SASH1: variants seen among roughly 807,000 people sequenced by gnomAD.
SASH1 encodes the protein SAM and SH3 domain-containing protein 1.
SASH1 carries 44 observed loss-of-function variants against 125.2 expected under a neutral mutation model. The ratio of observed to expected loss-of-function variants is 0.35; its 90% CI spans 0.28 to 0.45. The LOEUF is 0.45. SASH1 is among the 20% of genes least tolerant of loss of function. The pLI, the probability that SASH1 is intolerant of heterozygous loss-of-function variation, is 1.00. For synonymous variants in SASH1, 639 were observed against 649.1 expected (o/e 0.98, Z 0.24); for missense variants, 1,426 against 1,614.5 (o/e 0.88, Z 2.00).
intron 5 of SASH1, among the ~76,000 whole-genome samples, chr6:148,470,576 T>G (rs1180305050): frequency 6.6e-6 from 1 of 152,240 alleles, no homozygotes; most frequent in African/African-American, 2.4e-5. Flanking sequence ...CGCTTTGCTT[T>G]TAAAAAGGTA....
At chr6:148,547,142 A>T (rs1358794370) in intron 19 of SASH1, among the ~76,000 whole-genome samples, 1 of 152,134 alleles carries the variant, frequency 6.6e-6, no homozygotes, top group Non-Finnish European at 1.5e-5. Context: ...TAAAGGAAGC[A>T]CTTAAGGGCT....
At chr6:148,264,710 A>C in the SASH1 span, among the ~76,000 whole-genome samples, 51 of 152,204 alleles carry the variant, frequency 3.4e-4, no homozygotes, top group African/African-American at 1.2e-3. Context: ...TTTGCCAGTT[A>C]TGTTTCTCTT....
chr6:148,543,717 A>G lies in SASH1; in HGVS notation c.2247A>G (p.Ser749=), dbSNP rs1295599971. 1.3e-6 allele frequency: 2 copies of G among 1,567,890 alleles called. No individual in the cohort carries two copies. The highest frequency in any genetic ancestry group is 2.7e-5 in the African/African-American group (2 of 73,476). The change falls in exon 18 of 20, where the codon TCA becomes TCG. Residue 749 remains serine, a synonymous_variant. Coordinates refer to ENST00000367467, the MANE Select transcript of SASH1 (RefSeq NM_015278.5). The part of the protein sequence containing the change: ...TRKASLLSAK[S]STEPSLKSFS... Reference sequence around the variant, plus strand: ...AAGCTAGCCTCCTATCTGCCAAGTCATCCACCGAGCCCAGCTTGAAGTCTT... The same window carrying G: ...AAGCTAGCCTCCTATCTGCCAAGTCGTCCACCGAGCCCAGCTTGAAGTCTT...
intron 2 of SASH1, among the ~76,000 whole-genome samples, chr6:148,393,307 G>A (rs1783810665): frequency 2.0e-5 from 3 of 150,298 alleles, no homozygotes; most frequent in South Asian, 2.1e-4. Flanking sequence ...TGATCTGCCC[G>A]CCTTGGCCTC....
chr6:148,343,096 GGCCGGAGCCTGAGCCCGAGCCCGA>G lies in SASH1; in HGVS notation c.39_62del (p.Glu16_Pro23del), dbSNP rs758905518. 9.8e-6 allele frequency: 15 copies of G among 1,523,330 alleles called. No individual in the cohort carries two copies. The highest frequency in any genetic ancestry group is 7.3e-5 in the East Asian group (3 of 41,246). The allele number at this position is 1,523,330 out of a possible 1,614,324, so 94.4% of individuals were successfully genotyped here. On this transcript the variant is annotated inframe_deletion, in exon 1 of 20. Transcript: ENST00000367467. ...GAGGACGCGGGAGCAGCTGGCCCGG[GGCCGGAGCCTGAGCCCGAGCCCGA>G]GCCGGAGCCCGAGCCCGCGCCGGAG... is the stretch of plus-strand genomic sequence containing the variant.
At chr6:148,492,058 C>T (rs748967244) in intron 8 of SASH1, among the ~76,000 whole-genome samples, 36 of 152,258 alleles carry the variant, frequency 2.4e-4, no homozygotes, top group African/African-American at 8.2e-4. Flanking sequence ...TTGTCCATAC[C>T]GGGTCCCTTA....
At chr6:148,304,782 C>A (rs1428047998) in intron 1 of SASH1, among the ~76,000 whole-genome samples, 1 of 152,194 alleles carries the variant, frequency 6.6e-6, no homozygotes, top group African/African-American at 2.4e-5. Flanking sequence ...AATCCCAACA[C>A]TTTGGGAGGC....
At chr6:148,507,659 G>A (rs943810242) in intron 8 of SASH1, among the ~76,000 whole-genome samples, 15 of 152,128 alleles carry the variant, frequency 9.9e-5, no homozygotes, top group South Asian at 2.1e-4. Flanking sequence ...GTGCCTGGCC[G>A]TTTTTAGTTT....
At chr6:148,238,917 A>G in the SASH1 span, among the ~76,000 whole-genome samples, 3 of 152,198 alleles carry the variant, frequency 2.0e-5, no homozygotes, top group Non-Finnish European at 2.9e-5. Flanking sequence ...ATACGCTGTC[A>G]TTCAATGACC....
chr6:148,254,245 T>G, the SASH1 span, among the ~76,000 whole-genome samples: 1 of 151,886 alleles, frequency 6.6e-6, no homozygotes, highest in Non-Finnish European at 1.5e-5. Context: ...ATATAACGCA[T>G]TAGATGCAAC....
rs57183555 is a variant in SASH1 at position 148,356,494 on chromosome 6, C to CTTTTT, written c.156+13287_156+13291dup. Among the ~76,000 whole-genome samples, 675 of 116,104 alleles carry CTTTTT rather than the reference C, an allele frequency of 5.8e-3. 19 individuals are homozygous for CTTTTT. The highest frequency in any genetic ancestry group is 9.5e-3 in the Non-Finnish European group (557 of 58,356). The allele number at this position is 116,104 out of a possible 152,430, so 76.2% of individuals were successfully genotyped here. ...TCAAATGGTAGATCTACTTTTAGTT[C>CTTTTT]TTTTTTTTTTTTTTTTTTTTGAGAC... On this transcript the variant is annotated intron_variant, in intron 1 of 19. Transcript: ENST00000367467.
intron 16 of SASH1, among the ~76,000 whole-genome samples, chr6:148,539,081 G>A (rs1056874750): frequency 8.0e-5 from 12 of 150,054 alleles, no homozygotes; most frequent in South Asian, 6.3e-4. Context: ...CAACAGAAGC[G>A]TCCGATGCTG....
chr6:148,376,277 C>T (rs1782888254), intron 1 of SASH1, among the ~76,000 whole-genome samples: 3 of 152,020 alleles, frequency 2.0e-5, no homozygotes, highest in Admixed American at 2.0e-4. Context: ...CCATGTTGGC[C>T]AGGCTGGTCT....
At chr6:148,205,704 T>C in the SASH1 span, among the ~76,000 whole-genome samples, 1 of 152,170 alleles carries the variant, frequency 6.6e-6, no homozygotes, top group African/African-American at 2.4e-5. Flanking sequence ...CAGGTAGTCA[T>C]CACAAAAGTG....
chr6:148,472,454 A>G (rs1364951721), intron 6 of SASH1, among the ~76,000 whole-genome samples: 1 of 152,210 alleles, frequency 6.6e-6, no homozygotes, highest in Middle Eastern at 3.4e-3. Flanking sequence ...CTAAAAAAAA[A>G]AAAAACAGTC....
Position 148,514,332 on chromosome 6 carries a change from A to T in SASH1, c.738A>T (p.Glu246Asp). The T allele has an allele frequency of 6.2e-7, 1 of 1,604,586 alleles. No individual in the cohort carries two copies. The highest frequency in any genetic ancestry group is 8.5e-7 in the Non-Finnish European group (1 of 1,177,704). Residue 246 changes from glutamate (E) to aspartate (D), a missense_variant, in exon 9 of 20, where the codon GAA (glutamate) becomes GAT (aspartate). This residue lies in a region of SASH1 where 567 missense variants were observed against 575.6 expected (regional missense o/e 0.99). Coordinates refer to ENST00000367467, the MANE Select transcript of SASH1 (RefSeq NM_015278.5). ...CTTTGTTTCTTTGCCAGTCAAGAGA[A>T]CAATCGGATGATGAGACTGAGGAGT... ...FDGSSNCNSREQSDDETEESV... is the reference protein window; with the variant it reads ...FDGSSNCNSRDQSDDETEESV...
At chr6:148,220,785 G>T in the SASH1 span, among the ~76,000 whole-genome samples, 1 of 152,066 alleles carries the variant, frequency 6.6e-6, no homozygotes, top group Non-Finnish European at 1.5e-5. Context: ...ATGGTGGCAC[G>T]CGCCTGTAGT....
intron 1 of SASH1, among the ~76,000 whole-genome samples, chr6:148,306,936 T>C (rs2128516452): frequency 6.6e-6 from 1 of 152,302 alleles, no homozygotes; most frequent in Non-Finnish European, 1.5e-5. Flanking sequence ...TGTAAACATA[T>C]AGGGTGACAG....
intron 8 of SASH1, among the ~76,000 whole-genome samples, chr6:148,507,345 A>G (rs1038044089): frequency 7.1e-6 from 1 of 140,028 alleles, no homozygotes; most frequent in African/African-American, 2.5e-5. Context: ...GGAGCTTCGT[A>G]TTCCAATTCC....
Sources: allele counts gnomAD v4.1 joint callset (sites outside exome capture counted in the v4.1 genomes callset), GRCh38; gene constraint gnomAD v4.1.1; regional missense constraint gnomAD v4.1.1; transcripts MANE v1.5; gene names NCBI Gene and HGNC (gene_info 2026-07-23, HGNC 2026-07-21).